ATP8B1: variants seen among roughly 807,000 people sequenced by gnomAD.
ATP8B1 encodes the protein ATPase phospholipid transporting 8B1.
ATP8B1 carries 80 observed loss-of-function variants against 149.9 expected under a neutral mutation model. The ratio of observed to expected loss-of-function variants is 0.53; its 90% CI spans 0.45 to 0.64. The LOEUF (loss-of-function observed/expected upper bound fraction) is 0.64. Ranked by LOEUF, ATP8B1 falls within the 30% of genes least tolerant of loss-of-function variation. The probability of loss-of-function intolerance (pLI) is 0.00; values close to 1 mark genes in which losing one functional copy is unlikely to be tolerated. For missense variants in ATP8B1, 1,247 were observed against 1,552.6 expected, an observed-to-expected ratio of 0.80 and a Z score of 3.31; for synonymous variants, 536 against 562.8, an observed-to-expected ratio of 0.95 and a Z score of 0.67.
At chr18:57,769,774 A>G (rs2080249306) in intron 1 of ATP8B1, among the ~76,000 whole-genome samples, 1 of 152,252 alleles carries the variant, frequency 6.6e-6, no homozygotes, top group Non-Finnish European at 1.5e-5. Context: ...ATCTGATCGA[A>G]GAACTTTTAT....
At chr18:57,708,246 T>G (rs1168771586) in intron 2 of ATP8B1, among the ~76,000 whole-genome samples, 1 of 150,274 alleles carries the variant, frequency 6.7e-6, no homozygotes, top group Non-Finnish European at 1.5e-5. Context: ...AGCCACAATA[T>G]CACTATTGAA....
chr18:57,719,503 G>A (rs971359617), intron 2 of ATP8B1, among the ~76,000 whole-genome samples: 1 of 152,176 alleles, frequency 6.6e-6, no homozygotes, highest in Non-Finnish European at 1.5e-5. Flanking sequence ...GGTGACGGAC[G>A]CACCTGGAAA....
intron 22 of ATP8B1, chr18:57,659,609 C>G (rs1910256515): frequency 1.3e-5 from 2 of 148,766 alleles, no homozygotes; most frequent in South Asian, 4.2e-4. Context: ...AGAGATAGAT[C>G]TAACTCCGAG....
chr18:57,708,548 TA>T (rs1913531262), intron 2 of ATP8B1: 1 of 152,230 alleles, frequency 6.6e-6, no homozygotes, highest in East Asian at 1.9e-4. Flanking sequence ...TTTAATGGTT[TA>T]CTTTAGCACA....
chr18:57,667,147 A>G lies in ATP8B1; in HGVS notation c.2230T>C (p.Phe744Leu), dbSNP rs2122693662. ...DKKETAENIG[F>L]ACELLTEDTT... ...TCTTCAGTCAGAAGTTCACAAGCAA[A>G]TCCTATATTTTCAGCAGTTTCTACA... The change falls in exon 20 of 28, where the codon TTT (phenylalanine) becomes CTT (leucine). Residue 744 changes from phenylalanine (F) to leucine (L), a missense_variant. Phe to Leu is a conservative substitution (Grantham distance 22). Transcript: ENST00000648908. 1 of 1,612,544 alleles carries G rather than the reference A, an allele frequency of 6.2e-7. No homozygotes were observed. The highest frequency in any genetic ancestry group is 2.2e-5 in the East Asian group (1 of 44,876).
chr18:57,689,793 G>A (rs941323427), intron 12 of ATP8B1, among the ~76,000 whole-genome samples: 7 of 152,088 alleles, frequency 4.6e-5, no homozygotes, highest in African/African-American at 1.2e-4. Flanking sequence ...CGAGGTGGGC[G>A]GATCATGAGG....
At chr18:57,772,853 T>TGCAGAGGTGAGGAGGTGGGGA (rs2080274912) in intron 1 of ATP8B1, among the ~76,000 whole-genome samples, 1 of 152,138 alleles carries the variant, frequency 6.6e-6, no homozygotes, top group Admixed American at 6.6e-5. Flanking sequence ...TTGAAGCACC[T>TGCAGAGGTGAGGAGGTGGGGA]GCAGAGGTGA....
intron 1 of ATP8B1, among the ~76,000 whole-genome samples, chr18:57,782,772 A>G (rs1234268491): frequency 7.1e-6 from 1 of 141,310 alleles, no homozygotes; most frequent in Non-Finnish European, 1.5e-5. Context: ...TGTCTAAATG[A>G]TACCTGGCTC....
intron 1 of ATP8B1, among the ~76,000 whole-genome samples, chr18:57,799,695 ACT>A (rs1451503343): frequency 7.6e-6 from 1 of 131,472 alleles, no homozygotes. Flanking sequence ...ACAGAGCAAG[ACT>A]CTGTCTCAAA....
intron 8 of ATP8B1, among the ~76,000 whole-genome samples, chr18:57,695,882 A>T (rs527619481): frequency 6.6e-6 from 1 of 152,372 alleles, no homozygotes; most frequent in East Asian, 1.9e-4. Flanking sequence ...TCACATTAAA[A>T]TGATTCTATA....
chr18:57,746,551 A>G (rs1599186707), intron 1 of ATP8B1, among the ~76,000 whole-genome samples: 2 of 140,286 alleles, frequency 1.4e-5, no homozygotes, highest in African/African-American at 2.7e-5. Flanking sequence ...TCTGCTCACT[A>G]CAACCTCCGC....
chr18:57,669,100 C>A (rs565098560), intron 18 of ATP8B1: 43 of 404,200 alleles, frequency 1.1e-4, no homozygotes, highest in African/African-American at 7.6e-4. Flanking sequence ...ATTAGAACTT[C>A]TCCTAATGTA....
chr18:57,680,897 CT>C (rs1298932775), intron 15 of ATP8B1, among the ~76,000 whole-genome samples: 1 of 152,156 alleles, frequency 6.6e-6, no homozygotes, highest in Non-Finnish European at 1.5e-5. Context: ...GCTTCCAAGC[CT>C]TCCACATTCT....
Position 57,669,299 on chromosome 18 carries a change from T to C in ATP8B1, c.2097+19A>G, listed in dbSNP as rs368395296. On this transcript the variant is annotated intron_variant, in intron 18 of 27. Transcript: ENST00000648908. ...CTGCTTAGAATATCAAAGAAAAAGT[T>C]ATTAAGGCTAAAACTCACAATTAAG... The C allele has an allele frequency of 5.1e-6, 8 of 1,580,008 alleles. No homozygotes were observed. The African/African-American group carries it at 1.1e-4, about 22-fold the overall frequency.
intron 1 of ATP8B1, among the ~76,000 whole-genome samples, chr18:57,792,159 T>C (rs970462026): frequency 3.3e-5 from 5 of 152,210 alleles, no homozygotes; most frequent in Non-Finnish European, 5.9e-5. Context: ...TTTTATAACA[T>C]GTCAGTCTAT....
chr18:57,688,545 G>A (rs1010056031), intron 12 of ATP8B1, 38 bp from the exon 13 acceptor site: 3 of 1,595,934 alleles, frequency 1.9e-6, no homozygotes, highest in Admixed American at 1.7e-5. Context: ...AGAGAGCTCG[G>A]ATACGAGTGG....
chr18:57,772,634 C>T (rs1298122274), intron 1 of ATP8B1, among the ~76,000 whole-genome samples: 1 of 150,896 alleles, frequency 6.6e-6, no homozygotes, highest in African/African-American at 2.4e-5. Flanking sequence ...CAACACGTCC[C>T]GACCTCGTGG....
At chr18:57,757,897 C>T (rs987803817) in intron 1 of ATP8B1, among the ~76,000 whole-genome samples, 2 of 152,212 alleles carry the variant, frequency 1.3e-5, no homozygotes, top group African/African-American at 4.8e-5. Flanking sequence ...TTTTTCTCCC[C>T]TCTTCACTGT....
At chr18:57,703,196 A>G (rs908670703) in intron 4 of ATP8B1, among the ~76,000 whole-genome samples, 1 of 152,044 alleles carries the variant, frequency 6.6e-6, no homozygotes, top group Non-Finnish European at 1.5e-5. Flanking sequence ...CTAGACACAC[A>G]TTCTACCCCA....
Sources: allele counts gnomAD v4.1 joint callset (sites outside exome capture counted in the v4.1 genomes callset), GRCh38; gene constraint gnomAD v4.1.1; transcripts MANE v1.5; gene names NCBI Gene and HGNC (gene_info 2026-07-23, HGNC 2026-07-21).